LRRC56: variants seen among roughly 807,000 people sequenced by gnomAD.
LRRC56 encodes the protein leucine-rich repeat-containing protein 56.
LRRC56 carries 41 observed loss-of-function variants against 47.8 expected under a neutral mutation model. The ratio of observed to expected loss-of-function variants is 0.86; its 90% confidence interval spans 0.67 to 1.11. The LOEUF is 1.11. LRRC56 is among the 50% of genes most tolerant of loss of function. The pLI is 0.00. For synonymous variants in LRRC56, 387 were observed against 311.2 expected, an observed-to-expected ratio of 1.24 and a Z score of -2.56; for missense variants, 759 against 704.2, an observed-to-expected ratio of 1.08 and a Z score of -0.88.
the LRRC56 span, among the ~76,000 whole-genome samples, chr11:530,478 T>G: frequency 7.5e-6 from 1 of 133,090 alleles, no homozygotes; most frequent in African/African-American, 3.0e-5. Context: ...GAAGGGCGAG[T>G]GTGGCGTCCC....
the LRRC56 span, among the ~76,000 whole-genome samples, chr11:517,558 C>T: frequency 9.5e-4 from 144 of 151,388 alleles, 1 homozygote; most frequent in African/African-American, 2.7e-3. Flanking sequence ...CGCCTCTGCC[C>T]GGCCGTCCCA....
the LRRC56 span, among the ~76,000 whole-genome samples, chr11:515,575 C>G: frequency 6.6e-6 from 1 of 152,216 alleles, no homozygotes; most frequent in Non-Finnish European, 1.5e-5. Flanking sequence ...ACAGTGCTCA[C>G]ACCTGTAATC....
intron 12 of LRRC56, 45 bp from the exon 13 acceptor site, chr11:552,524 G>A (rs371248687): frequency 8.3e-5 from 127 of 1,534,782 alleles, no homozygotes; most frequent in African/African-American, 5.3e-4. Context: ...GTCCTGTCCC[G>A]TGGGGGGATC....
intron 6 of LRRC56, among the ~76,000 whole-genome samples, chr11:545,903 A>G (rs1327307312): frequency 1.3e-5 from 2 of 152,214 alleles, no homozygotes; most frequent in African/African-American, 2.4e-5. Flanking sequence ...AGATGAGGAT[A>G]AGGGTATTCA....
At chr11:534,004 G>A, upstream of LRRC56, 1 of 1,556,516 alleles carries the variant, frequency 6.4e-7, no homozygotes, top group Non-Finnish European at 8.8e-7. Context: ...AGTTCACACA[G>A]CCAGCCTCTC....
rs544932010 is a variant in LRRC56, at chr11:547,986, T to C, written c.327-1916T>C. Among the ~76,000 whole-genome samples the C allele has an allele frequency of 5.5e-4, 83 of 151,672 alleles. 1 individual carries two copies. Among genetic ancestry groups the C allele is most frequent in the African/African-American group, 1.7e-3 (70 of 41,362 alleles). ...ACTAAAAATACAAAAATTAGCCGGG[T>C]GTGGTGGCGGGCACCTGTAATCACA... On this transcript the variant is annotated intron_variant, in intron 6 of 13. Coordinates refer to ENST00000270115, the MANE Select transcript of LRRC56 (RefSeq NM_198075.4).
At chr11:536,858 G>C (rs1367759306), upstream of LRRC56, 1 of 152,266 alleles carries the variant, frequency 6.6e-6, no homozygotes, top group African/African-American at 2.4e-5. Flanking sequence ...CTGACCCGGG[G>C]CTCCACCCAC....
chr11:533,754 C>T (rs749784082), upstream of LRRC56: 3 of 1,613,214 alleles, frequency 1.9e-6, no homozygotes, highest in Non-Finnish European at 1.7e-6. Context: ...GGGCCAGCCT[C>T]ACGGGGTTCA....
intron 8 of LRRC56, among the ~76,000 whole-genome samples, chr11:550,785 G>A (rs1402921407): frequency 6.6e-6 from 1 of 152,118 alleles, no homozygotes; most frequent in African/African-American, 2.4e-5. Flanking sequence ...CTGCTGCTTG[G>A]TGCTGCCACA....
At chr11:534,173 C>T (rs2133993676), upstream of LRRC56, 1 of 1,517,770 alleles carries the variant, frequency 6.6e-7, no homozygotes, top group South Asian at 1.1e-5. Context: ...GGCTCGCCCG[C>T]AGCAGCTGCT....
the LRRC56 span, among the ~76,000 whole-genome samples, chr11:525,043 C>T: frequency 1.3e-5 from 2 of 151,066 alleles, no homozygotes; most frequent in Non-Finnish European, 2.9e-5. Context: ...TTGCAGTGAG[C>T]CAAGATCTCA....
chr11:554,124 G>T lies in LRRC56; in HGVS notation c.1477G>T (p.Val493Leu). ...CTGGGGGCCTGGCCTGGGTGATGGG[G>T]TGGCTGCAGTGCCTGTCCTGAGAGC... is the stretch of plus-strand genomic sequence containing the variant. ...GSWGPGLGDGVAAVPVLRALE... is the reference protein window; with the variant it reads ...GSWGPGLGDGLAAVPVLRALE... Residue 493 changes from valine (V) to leucine (L), a missense_variant, in exon 14 of 14, where the codon GTG becomes TTG. By Grantham distance (32) the Val-to-Leu change is conservative. Coordinates refer to ENST00000270115, the MANE Select transcript of LRRC56 (RefSeq NM_198075.4). The T allele has an allele frequency of 6.2e-7, 1 of 1,604,530 alleles. No homozygotes were observed. The highest frequency in any genetic ancestry group is 2.2e-5 in the East Asian group (1 of 44,778).
chr11:531,274 G>A, the LRRC56 span, among the ~76,000 whole-genome samples: 1 of 152,260 alleles, frequency 6.6e-6, no homozygotes, highest in East Asian at 1.9e-4. Context: ...TGCCCTGCTA[G>A]CTCTCCCCCA....
At chr11:552,019 G>T (rs1852422700) in intron 11 of LRRC56, 52 bp downstream of exon 11, 2 of 1,609,356 alleles carry the variant, frequency 1.2e-6, no homozygotes, top group Non-Finnish European at 1.7e-6. Flanking sequence ...CAGGGTTGCG[G>T]CCCTGACAGT....
chr11:546,188 G>A (rs1438413269), intron 6 of LRRC56, among the ~76,000 whole-genome samples: 6 of 151,686 alleles, frequency 4.0e-5, no homozygotes, highest in African/African-American at 1.2e-4. Flanking sequence ...GAGAGTCGCT[G>A]CAGTGAGCCG....
chr11:535,734 T>C (rs1335345411), upstream of LRRC56, among the ~76,000 whole-genome samples: 1 of 151,852 alleles, frequency 6.6e-6, no homozygotes, highest in Non-Finnish European at 1.5e-5. Context: ...GCGGAGCCAG[T>C]AGGGCCGCGG....
At chr11:509,518 C>G in the LRRC56 span, among the ~76,000 whole-genome samples, 2 of 152,066 alleles carry the variant, frequency 1.3e-5, 1 homozygote, top group Non-Finnish European at 2.9e-5. Flanking sequence ...CTGGACAGTG[C>G]GGCCACAGCC....
At chr11:549,476 G>A (rs1336757701) in intron 6 of LRRC56, among the ~76,000 whole-genome samples, 14 of 152,228 alleles carry the variant, frequency 9.2e-5, no homozygotes, top group Non-Finnish European at 7.3e-5. Flanking sequence ...TCAGCACGGG[G>A]TCAGCCTCCA....
the LRRC56 span, among the ~76,000 whole-genome samples, chr11:525,362 G>A: frequency 8.5e-3 from 1,294 of 151,878 alleles, 10 homozygotes; most frequent in East Asian, 0.04. Flanking sequence ...ACACGGTGAA[G>A]CCCCATCTCT....
Sources: allele counts gnomAD v4.1 joint callset (sites outside exome capture counted in the v4.1 genomes callset), GRCh38; gene constraint gnomAD v4.1.1; transcripts MANE v1.5; gene names NCBI Gene and HGNC (gene_info 2026-07-23, HGNC 2026-07-21).